The following DAB2IP variants were observed in gnomAD, a reference collection of about 807,000 sequenced individuals.
The protein encoded by DAB2IP is disabled homolog 2-interacting protein.
Under a neutral mutation model 107.2 loss-of-function variants are expected in DAB2IP, and 28 were observed. That is an observed-to-expected ratio of 0.26 (90% CI 0.19 to 0.36). The LOEUF (loss-of-function observed/expected upper bound fraction) is 0.36, where lower values mean the gene tolerates loss of function less well. Ranked by LOEUF, DAB2IP falls within the 10% of genes least tolerant of loss-of-function variation. The probability of loss-of-function intolerance (pLI) is 1.00; values close to 1 mark genes in which losing one functional copy is unlikely to be tolerated. For synonymous variants in DAB2IP, 755 were observed against 706.4 expected (o/e 1.07, Z -1.09); for missense variants, 1,400 against 1,644.7 (o/e 0.85, Z 2.57).
At chr9:121,774,525 G>T in intron 13 of DAB2IP, 113 bp downstream of exon 13, 1 of 1,242,540 alleles carries the variant, frequency 8.0e-7, no homozygotes, top group Non-Finnish European at 1.1e-6. Context: ...CTTGTGAAGG[G>T]CCCGTCACCT....
At chr9:121,744,345 A>G (rs1452222767) in intron 3 of DAB2IP, among the ~76,000 whole-genome samples, 2 of 152,126 alleles carry the variant, frequency 1.3e-5, no homozygotes, top group Non-Finnish European at 2.9e-5. Context: ...TATTTGAAAC[A>G]GTTGTCAGAA....
intron 1 of DAB2IP, among the ~76,000 whole-genome samples, chr9:121,605,795 C>T (rs974089532): frequency 1.6e-4 from 24 of 152,276 alleles, no homozygotes; most frequent in Middle Eastern, 3.4e-3. Flanking sequence ...CATGAGCCAC[C>T]GCACCTGGCT....
chr9:121,610,768 C>A (rs1312435479), intron 1 of DAB2IP, among the ~76,000 whole-genome samples: 1 of 152,074 alleles, frequency 6.6e-6, no homozygotes, highest in Non-Finnish European at 1.5e-5. Context: ...GCAGGTACAG[C>A]GGTATGCAGG....
intron 1 of DAB2IP, among the ~76,000 whole-genome samples, chr9:121,602,889 T>C (rs1386487628): frequency 6.6e-6 from 1 of 152,162 alleles, no homozygotes; most frequent in African/African-American, 2.4e-5. Flanking sequence ...TTTTAATTTT[T>C]AGTAGAGATG....
rs1829675055 is a variant in DAB2IP at position 121,699,893 on chromosome 9, C to T, written c.362+435C>T. 6.6e-6 allele frequency among the ~76,000 whole-genome samples: 1 copy of T among 152,224 alleles called. No individual in the cohort carries two copies. Among genetic ancestry groups the T allele is most frequent in the South Asian group, 2.1e-4 (1 of 4,832 alleles). On this transcript the variant is annotated intron_variant, in intron 3 of 15. Transcript: ENST00000408936. The surrounding 1 kb of genome is among the most constrained non-coding windows in gnomAD (Gnocchi z 6.2). Reference sequence around the variant, plus strand: ...AAAGGCATTTTCGGCCGGGTTTGGCCGAGACCGGGCGCTGCCCGTGGTGAG... The same window carrying T: ...AAAGGCATTTTCGGCCGGGTTTGGCTGAGACCGGGCGCTGCCCGTGGTGAG...
chr9:121,680,559 C>T (rs1047536099), intron 2 of DAB2IP, among the ~76,000 whole-genome samples: 29 of 152,152 alleles, frequency 1.9e-4, no homozygotes, highest in African/African-American at 4.1e-4. Context: ...TCAGCTGGAG[C>T]GAAGACCAAG....
exon 12 of DAB2IP, chr9:121,773,408 G>T: frequency 6.3e-7 from 1 of 1,587,802 alleles, no homozygotes; most frequent in South Asian, 1.2e-5. Flanking sequence ...CACCTGATTG[G>T]GTGGGCCCCA....
rs1175591779 is a variant in DAB2IP at position 121,699,945 on chromosome 9, G to A, written c.362+487G>A. ...GGAAGGGTGAACATCTGGAGGGGAG[G>A]AGCAGGGGGCTGGGCCACTTAGGGG... On this transcript the variant is annotated intron_variant, in intron 3 of 15. Transcript: ENST00000408936. This position sits in a 1 kb window ranked among gnomAD's most constrained non-coding sequence, Gnocchi z 6.2. Among the ~76,000 whole-genome samples the A allele has an allele frequency of 6.6e-6, 1 of 152,226 alleles. No homozygotes were observed. The highest frequency in any genetic ancestry group is 1.5e-5 in the Non-Finnish European group (1 of 68,036).
At chr9:121,621,877 A>T (rs1369068478) in intron 1 of DAB2IP, among the ~76,000 whole-genome samples, 5 of 145,910 alleles carry the variant, frequency 3.4e-5, no homozygotes, top group African/African-American at 5.1e-5. Flanking sequence ...CTGGTCTCGA[A>T]CTCCTGACCT....
chr9:121,667,382 C>T (rs75012693), intron 1 of DAB2IP, among the ~76,000 whole-genome samples: 1,805 of 152,190 alleles, frequency 0.012, 51 homozygotes, highest in African/African-American at 0.041. Flanking sequence ...TGGCCCCTCC[C>T]TCGGGGAGCA....
chr9:121,611,132 C>A (rs777840385), intron 1 of DAB2IP, among the ~76,000 whole-genome samples: 1 of 152,134 alleles, frequency 6.6e-6, no homozygotes, highest in Non-Finnish European at 1.5e-5. Context: ...CCTGCCACCA[C>A]GCCCGGCTAA....
At chr9:121,620,697 G>A (rs370735754) in intron 1 of DAB2IP, among the ~76,000 whole-genome samples, 17 of 152,252 alleles carry the variant, frequency 1.1e-4, no homozygotes, top group African/African-American at 4.1e-4. Flanking sequence ...CAGACACTGT[G>A]CTCTTCCGGT....
At chr9:121,761,310 G>A (rs1431272673) in intron 6 of DAB2IP, among the ~76,000 whole-genome samples, 1 of 152,262 alleles carries the variant, frequency 6.6e-6, no homozygotes, top group Non-Finnish European at 1.5e-5. Flanking sequence ...TGAGGCCTCT[G>A]CAGCGTGGAT....
intron 3 of DAB2IP, among the ~76,000 whole-genome samples, chr9:121,749,541 G>A (rs898123517): frequency 1.3e-5 from 2 of 152,206 alleles, no homozygotes; most frequent in Non-Finnish European, 2.9e-5. Context: ...TCCAGACCTG[G>A]TTGGGGTAGT....
At chr9:121,679,782 G>A (rs534585803) in intron 2 of DAB2IP, among the ~76,000 whole-genome samples, 1 of 152,252 alleles carries the variant, frequency 6.6e-6, no homozygotes, top group Non-Finnish European at 1.5e-5. Flanking sequence ...CAGTGGGTTG[G>A]GAGGGGGTCC....
intron 3 of DAB2IP, among the ~76,000 whole-genome samples, chr9:121,744,813 C>T (rs1282298730): frequency 6.6e-6 from 1 of 152,184 alleles, no homozygotes; most frequent in Non-Finnish European, 1.5e-5. Context: ...TAGGCGCAAA[C>T]CCTGGAGGGA....
At chr9:121,631,838 AAG>A (rs1831897609) in intron 1 of DAB2IP, among the ~76,000 whole-genome samples, 1 of 150,916 alleles carries the variant, frequency 6.6e-6, no homozygotes, top group Non-Finnish European at 1.5e-5. Flanking sequence ...AAAAAAAAAA[AAG>A]AAGCTTGCAC....
chr9:121,706,372 C>A (rs1023347685), intron 3 of DAB2IP, among the ~76,000 whole-genome samples: 2 of 152,114 alleles, frequency 1.3e-5, no homozygotes, highest in Admixed American at 1.3e-4. Context: ...AGGGAAGCCA[C>A]CCCCCAGTCA....
chr9:121,672,430 C>G (rs1484410384), intron 1 of DAB2IP, among the ~76,000 whole-genome samples: 1 of 152,234 alleles, frequency 6.6e-6, no homozygotes, highest in Non-Finnish European at 1.5e-5. Context: ...GAACAAGTAA[C>G]AGTCATCCTT....
Sources: allele counts gnomAD v4.1 joint callset (sites outside exome capture counted in the v4.1 genomes callset), GRCh38; gene constraint gnomAD v4.1.1; non-coding constraint Gnocchi (gnomAD v3.1); transcripts MANE v1.5; gene names NCBI Gene and HGNC (gene_info 2026-07-23, HGNC 2026-07-21).